Variants in SLC8A3 observed in about 807,000 individuals in gnomAD.
The protein encoded by SLC8A3 is sodium/calcium exchanger 3.
Under a neutral mutation model 65.4 loss-of-function variants are expected in SLC8A3, and 37 were observed. That is an observed-to-expected ratio of 0.57 (90% CI 0.44 to 0.74). The LOEUF is 0.74. Among genes scored for constraint, SLC8A3 ranks in the 30% least tolerant of loss-of-function variants. SLC8A3 has a pLI of 0.00. For missense variants in SLC8A3, 1,112 were observed against 1,172.1 expected (o/e 0.95, Z 0.75); for synonymous variants, 461 against 444.5 (o/e 1.04, Z -0.47).
chr14:70,063,999 C>T (rs1459030109), intron 2 of SLC8A3: 38 of 830,176 alleles, frequency 4.6e-5, no homozygotes, highest in East Asian at 7.5e-5. Context: ...CAGACAAAAA[C>T]GGGAAGAGAA....
intron 2 of SLC8A3, among the ~76,000 whole-genome samples, chr14:70,090,923 T>G (rs149751406): frequency 5.6e-4 from 86 of 152,282 alleles, no homozygotes; most frequent in African/African-American, 1.9e-3. Context: ...ACACAATATT[T>G]TGTATATAAT....
intron 2 of SLC8A3, among the ~76,000 whole-genome samples, chr14:70,084,996 A>T (rs1354865088): frequency 6.6e-6 from 1 of 152,224 alleles, no homozygotes; most frequent in Non-Finnish European, 1.5e-5. Context: ...GACCTCAGAA[A>T]TTAAATTCCA....
At chr14:70,082,615 A>G (rs6573922) in intron 2 of SLC8A3, among the ~76,000 whole-genome samples, 65,107 of 151,980 alleles carry the variant, frequency 0.43, 13,904 homozygotes, top group African/African-American at 0.45. Context: ...GTTTGTAGCT[A>G]CCACGTGGCA....
intron 2 of SLC8A3, among the ~76,000 whole-genome samples, chr14:70,159,426 A>AC (rs1162431850): frequency 2.0e-5 from 3 of 147,950 alleles, no homozygotes; most frequent in Non-Finnish European, 4.5e-5. Flanking sequence ...AAAAAAAAAC[A>AC]AAAAAAACCC....
rs1897246746 is a variant in SLC8A3, at chr14:70,167,514, G to A, written c.909C>T (p.Pro303=). ...ACTCATCCACTTCCTTCCCTTCCAG[G>A]GGCACCAGGTTCCCATCTAGAAAAT... ...NSHFLDGNLV[P]LEGKEVDESR... is the part of the protein sequence containing the mutation. Residue 303 remains proline (P), a synonymous_variant, in exon 2 of 7, where the codon CCC becomes CCT. Coordinates refer to ENST00000356921, the MANE Select transcript of SLC8A3 (RefSeq NM_182932.3). 6.2e-7 allele frequency: 1 copy of A among 1,613,898 alleles called. No individual in the cohort carries two copies. Among genetic ancestry groups the A allele is most frequent in the Non-Finnish European group, 8.5e-7 (1 of 1,180,008 alleles).
chr14:70,130,963 G>A (rs557891097), intron 2 of SLC8A3, among the ~76,000 whole-genome samples: 37 of 152,232 alleles, frequency 2.4e-4, no homozygotes, highest in Non-Finnish European at 3.1e-4. Context: ...TATAGAAATT[G>A]TGGACCAAAC....
At chr14:70,090,470 C>A (rs1891729247) in intron 2 of SLC8A3, among the ~76,000 whole-genome samples, 1 of 152,124 alleles carries the variant, frequency 6.6e-6, no homozygotes, top group Admixed American at 6.5e-5. Context: ...CCCTAGAACC[C>A]CAAATCAGTC....
chr14:70,049,165 G>C lies in SLC8A3; in HGVS notation c.2114-123C>G, dbSNP rs1029652732. 26 of 984,760 alleles carry C rather than the reference G, an allele frequency of 2.6e-5. No individual in the cohort carries two copies. In the African/African-American group the frequency reaches 3.9e-4, roughly 15 times the overall value. The allele number at this position is 984,760 out of a possible 1,614,324, so 61.0% of individuals were successfully genotyped here. On this transcript the variant is annotated intron_variant, in intron 5 of 6. Coordinates refer to ENST00000356921, the MANE Select transcript of SLC8A3 (RefSeq NM_182932.3). ...AGAAGGGGACTCCAGCTGTCTTCTG[G>C]GCAGCTGGTGGGGGCCAGGGCCAGC...
chr14:70,119,612 A>G (rs980342294), intron 2 of SLC8A3, among the ~76,000 whole-genome samples: 6 of 152,250 alleles, frequency 3.9e-5, no homozygotes, highest in Non-Finnish European at 8.8e-5. Context: ...TTCTCAGATC[A>G]GAAGCTCAAA....
chr14:70,047,304 T>G (rs1886900656), intron 6 of SLC8A3: 1 of 152,228 alleles, frequency 6.6e-6, no homozygotes, highest in Non-Finnish European at 1.5e-5. Flanking sequence ...GCCTATGGCC[T>G]TGTTTTTTTG....
rs995410744 is a variant in SLC8A3 at position 70,167,794 on chromosome 14, C to T, written c.629G>A (p.Ser210Asn). The T allele has an allele frequency of 1.2e-6, 2 of 1,614,142 alleles. No individual in the cohort carries two copies. The highest frequency in any genetic ancestry group is 1.7e-6 in the Non-Finnish European group (2 of 1,180,032). ...LRVFFITAAW[S>N]IFAYIWLYMI... Reference sequence around the variant, plus strand: ...ATAGAGCCAGATGTAGGCAAAGATACTCCAAGCAGCGGTGATGAAGAAGAC... The same window carrying T: ...ATAGAGCCAGATGTAGGCAAAGATATTCCAAGCAGCGGTGATGAAGAAGAC... The change falls in exon 2 of 7, where the codon AGT becomes AAT. Residue 210 changes from serine (S) to asparagine (N), a missense_variant. Ser to Asn is a conservative substitution (Grantham distance 46). Transcript: ENST00000356921.
chr14:70,128,750 C>A (rs923887202), intron 2 of SLC8A3, among the ~76,000 whole-genome samples: 7 of 152,098 alleles, frequency 4.6e-5, no homozygotes, highest in Non-Finnish European at 1.0e-4. Flanking sequence ...GTTGTTAAAA[C>A]CCTTCTTTCC....
chr14:70,116,107 G>T (rs1479260154), intron 2 of SLC8A3, among the ~76,000 whole-genome samples: 2 of 152,186 alleles, frequency 1.3e-5, no homozygotes, highest in African/African-American at 4.8e-5. Context: ...CACAAAGGGA[G>T]GTAGTGCTGA....
intron 1 of SLC8A3, among the ~76,000 whole-genome samples, chr14:70,177,467 C>T (rs1259584298): frequency 6.6e-6 from 1 of 152,192 alleles, no homozygotes; most frequent in Non-Finnish European, 1.5e-5. Flanking sequence ...CAAGAGATCA[C>T]AAGAAAGGAA....
At chr14:70,059,831 C>A (rs1365058530) in intron 3 of SLC8A3, among the ~76,000 whole-genome samples, 1 of 152,194 alleles carries the variant, frequency 6.6e-6, no homozygotes, top group Non-Finnish European at 1.5e-5. Flanking sequence ...GTTGGAAAAT[C>A]CACAAGTCAA....
At chr14:70,169,692 G>T (rs749994995) in intron 1 of SLC8A3, among the ~76,000 whole-genome samples, 162 of 11,484 alleles carry the variant, frequency 0.014, 3 homozygotes, top group African/African-American at 0.04. Flanking sequence ...AAAAAAAAGT[G>T]GGGGGGGGGG....
intron 1 of SLC8A3, among the ~76,000 whole-genome samples, chr14:70,171,417 G>C (rs1051652276): frequency 1.3e-5 from 2 of 152,112 alleles, no homozygotes; most frequent in African/African-American, 2.4e-5. Context: ...AGGTTTTTCT[G>C]GGCAATGTGC....
rs1168525392 is a variant in SLC8A3, at chr14:70,168,012, G to A, written c.411C>T (p.Thr137=). 6.2e-7 allele frequency: 1 copy of A among 1,614,114 alleles called. No individual in the cohort carries two copies. Among genetic ancestry groups the A allele is most frequent in the Non-Finnish European group, 8.5e-7 (1 of 1,180,010 alleles). The part of the protein sequence containing the change: ...RVWNETVSNL[T]LMALGSSAPE... Reference sequence around the variant, plus strand: ...GAGCAGAGGAACCCAGGGCCATAAGGGTCAGGTTGGAGACAGTTTCATTCC... The same window carrying A: ...GAGCAGAGGAACCCAGGGCCATAAGAGTCAGGTTGGAGACAGTTTCATTCC... The change falls in exon 2 of 7, where the codon ACC becomes ACT. Residue 137 remains threonine, a synonymous_variant. Transcript: ENST00000356921.
intron 1 of SLC8A3, among the ~76,000 whole-genome samples, chr14:70,179,663 C>T (rs1882559274): frequency 6.6e-6 from 1 of 152,194 alleles, no homozygotes; most frequent in Non-Finnish European, 1.5e-5. Context: ...AAACACGGCC[C>T]CTTCTCCCAG....
Sources: allele counts gnomAD v4.1 joint callset (sites outside exome capture counted in the v4.1 genomes callset), GRCh38; gene constraint gnomAD v4.1.1; transcripts MANE v1.5; gene names NCBI Gene and HGNC (gene_info 2026-07-23, HGNC 2026-07-21).